The following TG variants were observed in gnomAD, a reference collection of about 807,000 sequenced individuals.
TG encodes the protein thyroglobulin.
In TG, 270 loss-of-function variants were observed where a neutral mutation model predicts 324.7. The observed-to-expected ratio is 0.83, with a 90% CI of 0.75 to 0.92. The LOEUF (loss-of-function observed/expected upper bound fraction) is 0.92. Ranked by LOEUF, TG falls within the 40% of genes least tolerant of loss-of-function variation. TG has a pLI of 0.00. For synonymous variants in TG, 1,401 were observed against 1,327.0 expected, an observed-to-expected ratio of 1.06 and a Z score of -1.21; for missense variants, 3,591 against 3,456.4, an observed-to-expected ratio of 1.04 and a Z score of -0.98.
chr8:132,951,841 T>C (rs999521259), intron 27 of TG, among the ~76,000 whole-genome samples: 2 of 152,152 alleles, frequency 1.3e-5, no homozygotes, highest in Non-Finnish European at 2.9e-5. Flanking sequence ...GGGAGTGTAA[T>C]AATTTAAATT....
At chr8:133,082,341 T>A (rs1250782873) in intron 41 of TG, among the ~76,000 whole-genome samples, 1 of 152,142 alleles carries the variant, frequency 6.6e-6, no homozygotes, top group Non-Finnish European at 1.5e-5. Flanking sequence ...AAAGGTCCAC[T>A]GGAAAGACGG....
intron 45 of TG, among the ~76,000 whole-genome samples, chr8:133,128,027 A>G (rs1851650043): frequency 6.6e-6 from 1 of 151,978 alleles, no homozygotes; most frequent in South Asian, 2.1e-4. Context: ...AATAAATGGT[A>G]TTTCATTTCT....
chr8:132,923,744 C>T (rs1165339510), intron 22 of TG, among the ~76,000 whole-genome samples: 2 of 152,076 alleles, frequency 1.3e-5, no homozygotes, highest in African/African-American at 4.8e-5. Context: ...ATGTAAATTC[C>T]AGATATCAGG....
Position 132,911,466 on chromosome 8 carries a change from G to A in TG, c.4092G>A (p.Val1364=). 6.2e-7 allele frequency: 1 copy of A among 1,614,184 alleles called. No homozygotes were observed. The highest frequency in any genetic ancestry group is 8.5e-7 in the Non-Finnish European group (1 of 1,180,044). The change falls in exon 19 of 48, where the codon GTG becomes GTA. Residue 1364 remains valine, a synonymous_variant. Coordinates refer to ENST00000220616, the MANE Select transcript of TG (RefSeq NM_003235.5). The stretch of plus-strand genomic sequence containing the variant: ...GTCTGACCAGGGAGCGTTTAGGAGT[G>A]AATGTTACATGGAAATCACGGCTTG... ...VGCLTRERLG[V]NVTWKSRLED...
chr8:132,941,591 C>G (rs762363285), intron 26 of TG, 49 bp downstream of exon 26: 2 of 1,608,662 alleles, frequency 1.2e-6, no homozygotes, highest in Admixed American at 1.7e-5. Flanking sequence ...GGGGAGCACA[C>G]AGGGATGCAG....
At chr8:132,946,061 CACACACACA>C (rs1563987934) in intron 26 of TG, among the ~76,000 whole-genome samples, 7 of 151,960 alleles carry the variant, frequency 4.6e-5, no homozygotes, top group African/African-American at 1.7e-4. Context: ...CACACACACA[CACACACACA>C]CACCCTATAT....
At chr8:132,977,095 A>G (rs558814858) in intron 34 of TG, among the ~76,000 whole-genome samples, 1 of 152,356 alleles carries the variant, frequency 6.6e-6, no homozygotes, top group Admixed American at 6.5e-5. Context: ...TATTTTCTCT[A>G]GTAAACAAAA....
chr8:133,051,917 T>C (rs1840477242), intron 41 of TG, among the ~76,000 whole-genome samples: 1 of 152,234 alleles, frequency 6.6e-6, no homozygotes, highest in Non-Finnish European at 1.5e-5. Context: ...CGGCAACTAC[T>C]TACTGAGCAC....
At chr8:132,926,820 G>A (rs1821930920) in intron 22 of TG, among the ~76,000 whole-genome samples, 1 of 152,188 alleles carries the variant, frequency 6.6e-6, no homozygotes. Flanking sequence ...AGGACACAGA[G>A]CTGGTGGTGG....
chr8:132,971,289 A>G (rs1829486319), intron 32 of TG, among the ~76,000 whole-genome samples: 1 of 152,164 alleles, frequency 6.6e-6, no homozygotes, highest in Admixed American at 6.5e-5. Flanking sequence ...TCCACGTTGT[A>G]CACTGAGTAA....
intron 34 of TG, 130 bp downstream of exon 34, chr8:132,972,871 G>A: frequency 1.7e-6 from 2 of 1,203,992 alleles, no homozygotes; most frequent in South Asian, 2.5e-5. Context: ...AACAGAAATA[G>A]ATTCTGTTTA....
At position 133,074,125 on chromosome 8, in the gene TG, G is replaced by A. The variant is rs771525751; in HGVS notation, c.7240-20919G>A. On this transcript the variant is annotated intron_variant, in intron 41 of 47. Transcript: ENST00000220616. Reference sequence around the variant, plus strand: ...CCATATTTCTTAGAAAATTCCCGTTGTCCTAAATCTCTTCCAACTCTAACA... The same window carrying A: ...CCATATTTCTTAGAAAATTCCCGTTATCCTAAATCTCTTCCAACTCTAACA... 1.1e-4 allele frequency among the ~76,000 whole-genome samples: 16 copies of A among 152,220 alleles called. No individual in the cohort carries two copies. The East Asian group carries it at 2.1e-3, about 20-fold the overall frequency.
intron 32 of TG, 127 bp from the exon 33 acceptor site, chr8:132,971,667 C>T: frequency 2.8e-6 from 2 of 723,700 alleles, no homozygotes; most frequent in South Asian, 1.5e-5. Flanking sequence ...AAAGCACCCC[C>T]AGTTTAAGTA....
Position 133,013,782 on chromosome 8 carries a change from C to T in TG, c.6562+18C>T, listed in dbSNP as rs1033129753. ...GAAGCCAGGTAAGCCCAAGCCTATG[C>T]CTTTGCAGCCATCCTGGGAAACTGG... On this transcript the variant is annotated intron_variant, in intron 37 of 47. Transcript: ENST00000220616. 7 of 1,605,024 alleles carry T rather than the reference C, an allele frequency of 4.4e-6. No homozygotes were observed. Among genetic ancestry groups the T allele is most frequent in the African/African-American group, 1.3e-5 (1 of 74,882 alleles).
intron 40 of TG, among the ~76,000 whole-genome samples, chr8:133,022,452 A>G (rs181000907): frequency 6.6e-6 from 1 of 152,302 alleles, no homozygotes; most frequent in Admixed American, 6.5e-5. Context: ...ATTGAGGCCC[A>G]AGAAGATTAG....
intron 41 of TG, chr8:133,038,787 TAGAG>T: frequency 7.6e-7 from 1 of 1,318,174 alleles, no homozygotes; most frequent in South Asian, 1.2e-5. Context: ...AAGAGAGTCA[TAGAG>T]AGAGGAGGAG....
chr8:132,958,710 C>CAAAA (rs34843766), intron 27 of TG, among the ~76,000 whole-genome samples: 84 of 148,080 alleles, frequency 5.7e-4, no homozygotes, highest in Middle Eastern at 3.5e-3. Context: ...GACTTTGTCT[C>CAAAA]AAAAAAAAAA....
intron 41 of TG, among the ~76,000 whole-genome samples, chr8:133,058,461 C>T (rs935383431): frequency 2.6e-5 from 4 of 152,212 alleles, no homozygotes; most frequent in Non-Finnish European, 5.9e-5. Context: ...AATGAGCAAG[C>T]CTTGGAGACT....
rs1474721721 is a variant in TG at position 133,055,361 on chromosome 8, GCGCGCACACACACA to G, written c.7239+25340_7239+25353del. 6.4e-3 allele frequency among the ~76,000 whole-genome samples: 837 copies of G among 131,742 alleles called. 9 individuals carry two copies. The highest frequency in any genetic ancestry group is 0.015 in the African/African-American group (566 of 38,346). 86.4% of individuals were successfully genotyped at this position (131,742 alleles called of 152,430 possible). A position where few individuals can be genotyped will look rare whatever the true frequency, so the allele number is the denominator to read the frequency against. On this transcript the variant is annotated intron_variant, in intron 41 of 47. Transcript: ENST00000220616. ...TCATCTTCAGGACACACACACGCACGCGCGCACACACACACACACACACACACACACACACACAC... is the reference window on the plus strand; with the variant it reads ...TCATCTTCAGGACACACACACGCACGCACACACACACACACACACACACAC...
Sources: gnomAD v4.1 joint callset for allele counts (sites outside exome capture counted in the v4.1 genomes callset) on GRCh38, gnomAD v4.1.1 for gene constraint, MANE v1.5 for transcripts, NCBI Gene and HGNC (gene_info 2026-07-23, HGNC 2026-07-21) for gene names.